RAPGEF2: variants seen among roughly 807,000 people sequenced by gnomAD.
RAPGEF2 encodes PDZ domain containing guanine nucleotide exchange factor (GEF) 1.
Under a neutral mutation model 186.7 loss-of-function variants are expected in RAPGEF2, and 54 were observed. That is an observed-to-expected ratio of 0.29 (90% CI 0.23 to 0.36). The LOEUF is 0.36. RAPGEF2 is among the 10% of genes least tolerant of loss of function. The probability of loss-of-function intolerance (pLI) is 1.00; values close to 1 mark genes in which losing one functional copy is unlikely to be tolerated. For missense variants in RAPGEF2, 1,532 were observed against 2,045.0 expected, an observed-to-expected ratio of 0.75 and a Z score of 4.84; for synonymous variants, 712 against 705.9, an observed-to-expected ratio of 1.01 and a Z score of -0.14.
chr4:159,264,856 TTG>T (rs1411345995), intron 7 of RAPGEF2, among the ~76,000 whole-genome samples: 1 of 152,206 alleles, frequency 6.6e-6, no homozygotes, highest in Non-Finnish European at 1.5e-5. Context: ...TATATATTAT[TTG>T]TCCTTTTGTG....
At chr4:159,120,564 A>C (rs1739560632) in intron 1 of RAPGEF2, among the ~76,000 whole-genome samples, 1 of 152,232 alleles carries the variant, frequency 6.6e-6, no homozygotes, top group Admixed American at 6.5e-5. Flanking sequence ...ATTTATATAC[A>C]TAAACTGCTC....
In RAPGEF2 at chr4:159,353,370, G is replaced by C. The variant is rs1420290831; in HGVS notation, c.4092-117G>C. 3 of 787,310 alleles carry C rather than the reference G, an allele frequency of 3.8e-6. No individual in the cohort carries two copies. Among genetic ancestry groups the C allele is most frequent in the Non-Finnish European group, 5.5e-6 (3 of 545,774 alleles). 48.8% of individuals were successfully genotyped at this position (787,310 alleles called of 1,614,324 possible). A position where few individuals can be genotyped will look rare whatever the true frequency, so the allele number is the denominator to read the frequency against. On this transcript the variant is annotated intron_variant, in intron 27 of 29. Coordinates refer to ENST00000691494, the MANE Select transcript of RAPGEF2 (RefSeq NM_001394067.2). This position sits in a 1 kb window ranked among gnomAD's most constrained non-coding sequence, Gnocchi z 4.3. ...GGCAATTCAGTGCTACTTTTATCCT[G>C]TTTCTGGGATGAAAGCAAGCTACCT...
chr4:159,138,575 G>A (rs1741971977), intron 1 of RAPGEF2, among the ~76,000 whole-genome samples: 2 of 152,152 alleles, frequency 1.3e-5, no homozygotes. Context: ...CTAAATAAGT[G>A]AAATGATCTC....
At chr4:159,173,315 C>CTT (rs1466905132) in intron 1 of RAPGEF2, among the ~76,000 whole-genome samples, 2 of 152,076 alleles carry the variant, frequency 1.3e-5, no homozygotes, top group Non-Finnish European at 2.9e-5. Flanking sequence ...TTCCGCTTTG[C>CTT]TTTTATTAAG....
intron 7 of RAPGEF2, among the ~76,000 whole-genome samples, chr4:159,280,782 C>T (rs1759585340): frequency 6.6e-6 from 1 of 152,160 alleles, no homozygotes; most frequent in Admixed American, 6.5e-5. Context: ...ATATTATCTT[C>T]AAGCATTTTA....
intron 1 of RAPGEF2, among the ~76,000 whole-genome samples, chr4:159,172,405 A>C (rs1316395521): frequency 1.3e-5 from 2 of 152,002 alleles, no homozygotes. Flanking sequence ...TTCCTTTCTG[A>C]TTGTGATGGC....
chr4:159,103,130 G>A lies in RAPGEF2; in HGVS notation c.-1033G>A, dbSNP rs1257942534. ...GGCGCAGGAGGAGGAAGAGGCGGAG[G>A]AAGAGGAGGGGAATCGCCGCTTCCC... On this transcript the variant is annotated 5_prime_UTR_variant, in exon 1 of 30. Coordinates refer to ENST00000691494, the MANE Select transcript of RAPGEF2 (RefSeq NM_001394067.2). The A allele has an allele frequency of 6.6e-6, 1 of 152,320 alleles. No individual in the cohort carries two copies. Among genetic ancestry groups the A allele is most frequent in the African/African-American group, 2.4e-5 (1 of 41,414 alleles). The allele number at this position is 152,320 out of a possible 1,614,324, so 9.4% of individuals were successfully genotyped here.
intron 1 of RAPGEF2, among the ~76,000 whole-genome samples, chr4:159,150,444 T>A (rs907321063): frequency 6.6e-6 from 1 of 152,202 alleles, no homozygotes; most frequent in African/African-American, 2.4e-5. Context: ...ATATTTTCTC[T>A]GTAAGGCACA....
intron 1 of RAPGEF2, among the ~76,000 whole-genome samples, chr4:159,162,213 T>C (rs932760280): frequency 7.4e-6 from 1 of 134,372 alleles, no homozygotes; most frequent in Non-Finnish European, 1.6e-5. Context: ...AGTGAGACTG[T>C]GTTTCTTCAA....
chr4:159,121,453 A>T (rs1251524799), intron 1 of RAPGEF2, among the ~76,000 whole-genome samples: 2 of 151,572 alleles, frequency 1.3e-5, no homozygotes, highest in African/African-American at 4.9e-5. Flanking sequence ...TGCAGCCTCA[A>T]TCTCTTGGAC....
Position 159,356,030 on chromosome 4 carries a change from C to T in RAPGEF2, c.4829C>T (p.Ser1610Phe), listed in dbSNP as rs371381822. Reference sequence around the variant, plus strand: ...TCCTCCGACACAGCTGGGCCTTCATCCGTACAGCAGCCACATGGGCATCCC... The same window carrying T: ...TCCTCCGACACAGCTGGGCCTTCATTCGTACAGCAGCCACATGGGCATCCC... Reference protein sequence around the residue: ...ARSSDTAGPSSVQQPHGHPTS... With the variant: ...ARSSDTAGPSFVQQPHGHPTS... Residue 1610 changes from serine to phenylalanine, a missense_variant, in exon 29 of 30, where the codon TCC becomes TTC. Around this residue, in one of 4 missense-constraint regions of RAPGEF2, gnomAD observed 594 missense variants for 608.5 expected, o/e 0.98. Transcript: ENST00000691494. 6.2e-7 allele frequency: 1 copy of T among 1,614,066 alleles called. No individual in the cohort carries two copies. The highest frequency in any genetic ancestry group is 2.2e-5 in the East Asian group (1 of 44,868).
rs1756487045 is a variant in RAPGEF2 at position 159,258,872 on chromosome 4, G to A, written c.543+15081G>A. Among the ~76,000 whole-genome samples the A allele has an allele frequency of 2.6e-5, 4 of 152,166 alleles. No individual in the cohort carries two copies. The South Asian group carries it at 8.3e-4, about 31-fold the overall frequency. On this transcript the variant is annotated intron_variant, in intron 7 of 29. Transcript: ENST00000691494. ...TTAACAGGTCTATACAAGGATATCA[G>A]CACAAAGAACTTAGTCCCAGACAAC... is the stretch of plus-strand genomic sequence containing the variant.
chr4:159,142,047 T>C (rs1029646228), intron 1 of RAPGEF2, among the ~76,000 whole-genome samples: 12 of 152,228 alleles, frequency 7.9e-5, no homozygotes, highest in African/African-American at 2.9e-4. Context: ...CCAAATGTCT[T>C]TTCTACGTTG....
chr4:159,267,196 A>G (rs1757533489), intron 7 of RAPGEF2: 6 of 1,288,388 alleles, frequency 4.7e-6, no homozygotes, highest in Middle Eastern at 4.3e-4. Context: ...GGAAGCAGCA[A>G]TGCCGTTTGT....
intron 4 of RAPGEF2, among the ~76,000 whole-genome samples, chr4:159,225,688 G>A (rs765247094): frequency 4.6e-5 from 7 of 152,116 alleles, no homozygotes; most frequent in Non-Finnish European, 8.8e-5. Flanking sequence ...TAGTAGATAC[G>A]TGGCAGTATT....
intron 1 of RAPGEF2, among the ~76,000 whole-genome samples, chr4:159,182,582 G>A (rs1337154897): frequency 6.6e-6 from 1 of 151,898 alleles, no homozygotes; most frequent in Non-Finnish European, 1.5e-5. Flanking sequence ...TTTCAGCAGA[G>A]ATGGGGTTTC....
At chr4:159,112,868 A>G (rs905616849) in intron 1 of RAPGEF2, among the ~76,000 whole-genome samples, 1 of 152,208 alleles carries the variant, frequency 6.6e-6, no homozygotes, top group Non-Finnish European at 1.5e-5. Context: ...GAAAAAATCA[A>G]TACTTAATAG....
At chr4:159,157,351 A>AT (rs1491565080) in intron 1 of RAPGEF2, among the ~76,000 whole-genome samples, 2 of 152,186 alleles carry the variant, frequency 1.3e-5, no homozygotes, top group Non-Finnish European at 2.9e-5. Flanking sequence ...TTGAAAAAAA[A>AT]GAAAAAAAGC....
chr4:159,299,451 G>C (rs973230286), intron 7 of RAPGEF2, among the ~76,000 whole-genome samples: 5 of 150,160 alleles, frequency 3.3e-5, no homozygotes, highest in South Asian at 2.1e-4. Context: ...AAAAGACAGA[G>C]AGAATAAGCC....
Sources: gnomAD v4.1 joint callset for allele counts (sites outside exome capture counted in the v4.1 genomes callset) on GRCh38, gnomAD v4.1.1 for gene constraint, gnomAD v4.1.1 regional missense constraint, Gnocchi (gnomAD v3.1) non-coding constraint, MANE v1.5 for transcripts, NCBI Gene and HGNC (gene_info 2026-07-23, HGNC 2026-07-21) for gene names.